The following CSMD1 variants were observed in gnomAD, a reference collection of about 807,000 sequenced individuals.
The protein encoded by CSMD1 is CUB and sushi domain-containing protein 1.
Under a neutral mutation model 417.5 loss-of-function variants are expected in CSMD1, and 213 were observed. The observed-to-expected ratio is 0.51, with a 90% CI of 0.46 to 0.57. The LOEUF (loss-of-function observed/expected upper bound fraction) is 0.57. Among genes scored for constraint, CSMD1 ranks in the 20% least tolerant of loss-of-function variants. The probability of loss-of-function intolerance (pLI) is 0.00; values close to 1 mark genes in which losing one functional copy is unlikely to be tolerated. For synonymous variants in CSMD1, 2,862 were observed against 1,736.8 expected, an observed-to-expected ratio of 1.65 and a Z score of -16.11; for missense variants, 6,923 against 4,529.7, an observed-to-expected ratio of 1.53 and a Z score of -15.17.
At chr8:3,182,333 G>A (rs1365292888) in intron 36 of CSMD1, among the ~76,000 whole-genome samples, 1 of 152,136 alleles carries the variant, frequency 6.6e-6, no homozygotes, top group Non-Finnish European at 1.5e-5. Context: ...TCCTGCCTCA[G>A]CTTCCCAAGT....
rs185302359 is a variant in CSMD1 at position 4,307,131 on chromosome 8, G to A, written c.415+112822C>T. On this transcript the variant is annotated intron_variant, in intron 3 of 69. Coordinates refer to ENST00000635120, the MANE Select transcript of CSMD1 (RefSeq NM_033225.6). ...CAAGGCCGGCTGCCTCCTTGTCTCT[G>A]TACTGAGTTCCCATTTCTACTTCTC... Among the ~76,000 whole-genome samples, 570 of 152,176 alleles carry A rather than the reference G, an allele frequency of 3.7e-3. 4 individuals are homozygous for A. The highest frequency in any genetic ancestry group is 4.9e-3 in the Non-Finnish European group (334 of 68,018).
At chr8:3,706,861 C>A (rs36062792) in intron 7 of CSMD1, among the ~76,000 whole-genome samples, 1 of 151,914 alleles carries the variant, frequency 6.6e-6, no homozygotes. Context: ...TTTTAAAAAA[C>A]CCTTTATTCC....
chr8:4,748,602 T>A (rs562146069), intron 1 of CSMD1, among the ~76,000 whole-genome samples: 2 of 152,252 alleles, frequency 1.3e-5, no homozygotes, highest in African/African-American at 4.8e-5. Flanking sequence ...CGGGGAGAAA[T>A]CATAGTGTTT....
At chr8:3,971,848 T>C (rs1813111639) in intron 5 of CSMD1, among the ~76,000 whole-genome samples, 1 of 152,200 alleles carries the variant, frequency 6.6e-6, no homozygotes, top group Admixed American at 6.5e-5. Context: ...ATATTTAGCT[T>C]GCCTGTGTAT....
At chr8:3,126,930 A>T (rs540443959) in intron 41 of CSMD1, among the ~76,000 whole-genome samples, 1 of 152,302 alleles carries the variant, frequency 6.6e-6, no homozygotes, top group African/African-American at 2.4e-5. Context: ...GCCTTCACCT[A>T]GGAGACGGGT....
At chr8:4,275,980 G>A (rs1049953535) in intron 3 of CSMD1, among the ~76,000 whole-genome samples, 14 of 152,176 alleles carry the variant, frequency 9.2e-5, no homozygotes, top group African/African-American at 2.9e-4. Context: ...AGCAGATGCT[G>A]GAGAGACTGT....
At chr8:3,868,081 A>T (rs1289446838) in intron 5 of CSMD1, among the ~76,000 whole-genome samples, 3 of 152,018 alleles carry the variant, frequency 2.0e-5, no homozygotes, top group Non-Finnish European at 2.9e-5. Context: ...ATCTCTCATG[A>T]TGCTTAATTC....
intron 1 of CSMD1, among the ~76,000 whole-genome samples, chr8:4,719,213 G>T (rs1467406543): frequency 2.0e-5 from 3 of 152,194 alleles, no homozygotes; most frequent in Non-Finnish European, 2.9e-5. Context: ...GGGGAGACTA[G>T]ATGGCACACA....
intron 3 of CSMD1, among the ~76,000 whole-genome samples, chr8:4,202,430 G>A (rs1345804039): frequency 6.6e-6 from 1 of 152,142 alleles, no homozygotes; most frequent in African/African-American, 2.4e-5. Context: ...GAATGTAGAG[G>A]TCGTGGAAAT....
At chr8:4,764,245 G>C (rs1225165354) in intron 1 of CSMD1, among the ~76,000 whole-genome samples, 2 of 152,198 alleles carry the variant, frequency 1.3e-5, no homozygotes, top group Non-Finnish European at 1.5e-5. Context: ...ATTGTACAGA[G>C]ATTAGGGAAA....
intron 30 of CSMD1, among the ~76,000 whole-genome samples, chr8:3,214,172 G>A (rs1431076648): frequency 6.6e-6 from 1 of 152,056 alleles, no homozygotes; most frequent in Non-Finnish European, 1.5e-5. Flanking sequence ...TATGGAGAGA[G>A]AGAGAGAGAG....
At chr8:3,229,124 C>T (rs1242182959) in intron 27 of CSMD1, among the ~76,000 whole-genome samples, 5 of 152,090 alleles carry the variant, frequency 3.3e-5, no homozygotes, top group African/African-American at 1.2e-4. Context: ...ATTTCACCAC[C>T]GCTGTGTACA....
intron 23 of CSMD1, among the ~76,000 whole-genome samples, chr8:3,335,838 G>A (rs78459566): frequency 0.011 from 1,665 of 152,224 alleles, 38 homozygotes; most frequent in African/African-American, 0.038. Flanking sequence ...ATTTTGCCAG[G>A]GTGGAGACTG....
At chr8:4,075,450 T>G (rs1177992963) in intron 3 of CSMD1, among the ~76,000 whole-genome samples, 2 of 152,164 alleles carry the variant, frequency 1.3e-5, no homozygotes, top group East Asian at 3.9e-4. Flanking sequence ...CTAATGTAAA[T>G]GTTTTCTGTC....
chr8:4,487,675 A>G (rs994044449), intron 2 of CSMD1, among the ~76,000 whole-genome samples: 7 of 152,212 alleles, frequency 4.6e-5, no homozygotes, highest in Non-Finnish European at 1.0e-4. Flanking sequence ...TTTTCTGTAA[A>G]ATAATTAAGT....
At chr8:3,556,891 C>T (rs918714430) in intron 10 of CSMD1, among the ~76,000 whole-genome samples, 5 of 152,208 alleles carry the variant, frequency 3.3e-5, no homozygotes, top group South Asian at 4.2e-4. Flanking sequence ...CACAGGAAAG[C>T]CACAAAAACA....
At chr8:4,859,733 T>C (rs1473270732) in intron 1 of CSMD1, among the ~76,000 whole-genome samples, 1 of 151,876 alleles carries the variant, frequency 6.6e-6, no homozygotes. Context: ...CCAGTTAGAA[T>C]GGCAATCATT....
intron 2 of CSMD1, among the ~76,000 whole-genome samples, chr8:4,578,795 C>A (rs1203594949): frequency 2.4e-5 from 3 of 126,198 alleles, no homozygotes; most frequent in African/African-American, 6.5e-5. Flanking sequence ...GCCTGGGTGA[C>A]AGAGATAGAC....
intron 5 of CSMD1, among the ~76,000 whole-genome samples, chr8:3,871,584 T>C (rs1254523256): frequency 1.3e-5 from 2 of 152,186 alleles, no homozygotes; most frequent in Non-Finnish European, 2.9e-5. Flanking sequence ...AATTTTTATA[T>C]ATTAGGAATA....
Sources: allele counts gnomAD v4.1 joint callset (sites outside exome capture counted in the v4.1 genomes callset), GRCh38; gene constraint gnomAD v4.1.1; transcripts MANE v1.5; gene names NCBI Gene and HGNC (gene_info 2026-07-23, HGNC 2026-07-21).